The following LARGE1 variants were observed in gnomAD, a reference collection of about 807,000 sequenced individuals.
LARGE1 encodes xylosyl- and glucuronyltransferase LARGE1.
LARGE1 carries 43 observed loss-of-function variants against 87.6 expected under a neutral mutation model. That is an observed-to-expected ratio of 0.49 (90% CI 0.38 to 0.63). The LOEUF (loss-of-function observed/expected upper bound fraction) is 0.63, where lower values mean the gene tolerates loss of function less well. Among genes scored for constraint, LARGE1 ranks in the 30% least tolerant of loss-of-function variants. The pLI is 0.00. For synonymous variants in LARGE1, 434 were observed against 394.6 expected (o/e 1.10, Z -1.18); for missense variants, 802 against 1,000.2 (o/e 0.80, Z 2.67).
chr22:33,548,736 G>A (rs2077438751), intron 6 of LARGE1, among the ~76,000 whole-genome samples: 1 of 152,176 alleles, frequency 6.6e-6, no homozygotes, highest in East Asian at 1.9e-4. Context: ...TTACAGCAGT[G>A]TGAGAACAGA....
At chr22:33,595,148 TTCTC>T (rs1008567686) in intron 5 of LARGE1, among the ~76,000 whole-genome samples, 4 of 152,306 alleles carry the variant, frequency 2.6e-5, no homozygotes, top group East Asian at 1.9e-4. Context: ...ATGAAAGCAC[TTCTC>T]TCTCTTTTTT....
intron 11 of LARGE1, among the ~76,000 whole-genome samples, chr22:33,195,068 G>A (rs906075428): frequency 1.3e-5 from 2 of 152,156 alleles, no homozygotes; most frequent in African/African-American, 4.8e-5. Flanking sequence ...CTGTGTTCAA[G>A]CATTTATCAG....
intron 9 of LARGE1, among the ~76,000 whole-genome samples, chr22:33,350,005 A>G (rs770768132): frequency 1.3e-5 from 2 of 152,178 alleles, no homozygotes; most frequent in Non-Finnish European, 2.9e-5. Flanking sequence ...CTTATATCCT[A>G]TCATTGCTTA....
At chr22:33,816,891 G>A (rs1403966873) in intron 1 of LARGE1, among the ~76,000 whole-genome samples, 2 of 151,998 alleles carry the variant, frequency 1.3e-5, no homozygotes, top group African/African-American at 2.4e-5. Flanking sequence ...TGAGTCTAAC[G>A]CACTGCCAAC....
At position 33,518,529 on chromosome 22, in the gene LARGE1, G is replaced by A. The variant is rs947169717; in HGVS notation, c.787+46319C>T. 3.3e-5 allele frequency among the ~76,000 whole-genome samples: 5 copies of A among 152,148 alleles called. No individual in the cohort carries two copies. The South Asian group carries it at 6.2e-4, about 19-fold the overall frequency. On this transcript the variant is annotated intron_variant, in intron 6 of 14. Coordinates refer to ENST00000397394, the MANE Select transcript of LARGE1 (RefSeq NM_133642.5). Reference sequence around the variant, plus strand: ...TCACCATGTTGGCCAGGCTGATCTCGAACTCCTGACCTCAGGTGTTGCGCT... The same window carrying A: ...TCACCATGTTGGCCAGGCTGATCTCAAACTCCTGACCTCAGGTGTTGCGCT...
intron 2 of LARGE1, among the ~76,000 whole-genome samples, chr22:33,670,835 A>G (rs2081385927): frequency 6.6e-6 from 1 of 152,196 alleles, no homozygotes; most frequent in African/African-American, 2.4e-5. Flanking sequence ...AAATAATGGT[A>G]TTTTTCCCTT....
At chr22:33,638,595 G>A (rs1177308421) in intron 3 of LARGE1, among the ~76,000 whole-genome samples, 3 of 152,202 alleles carry the variant, frequency 2.0e-5, no homozygotes, top group Admixed American at 6.5e-5. Context: ...TCAGTGCAAT[G>A]GTTCAAAGAA....
chr22:33,114,070 GT>G, the LARGE1 span, among the ~76,000 whole-genome samples: 2 of 146,404 alleles, frequency 1.4e-5, no homozygotes, highest in African/African-American at 2.6e-5. Context: ...TAGAGATGAG[GT>G]TTCACTATGT....
At chr22:33,360,829 C>T (rs2064362031) in intron 9 of LARGE1, among the ~76,000 whole-genome samples, 1 of 149,912 alleles carries the variant, frequency 6.7e-6, no homozygotes, top group Non-Finnish European at 1.5e-5. Context: ...GTATCTTGTC[C>T]AGCCCACTGC....
chr22:33,637,567 G>A (rs1352021481), intron 3 of LARGE1, among the ~76,000 whole-genome samples: 2 of 150,610 alleles, frequency 1.3e-5, no homozygotes, highest in Non-Finnish European at 2.9e-5. Context: ...TAAGACATCC[G>A]AGGCTAGGTT....
the LARGE1 span, among the ~76,000 whole-genome samples, chr22:33,081,591 T>C: frequency 2.0e-5 from 3 of 152,334 alleles, no homozygotes; most frequent in South Asian, 6.2e-4. Context: ...CAGGGATTTT[T>C]TCAAACTTTT....
rs1163245540 is a variant in LARGE1, at chr22:33,274,199, G to C, written c.*228C>G. ...TCCCATTCTTGAAGAGACTCATCTA[G>C]GTGGGCTGCATAGCTAACCTCTGGG... is the stretch of plus-strand genomic sequence containing the variant. On this transcript the variant is annotated 3_prime_UTR_variant, in exon 15 of 15. Transcript: ENST00000397394. 4 of 612,286 alleles carry C rather than the reference G, an allele frequency of 6.5e-6. No homozygotes were observed. The Admixed American group carries it at 1.1e-4, about 17-fold the overall frequency. 37.9% of individuals were successfully genotyped at this position (612,286 alleles called of 1,614,324 possible).
chr22:33,315,348 G>A (rs923904879), intron 11 of LARGE1, among the ~76,000 whole-genome samples: 2 of 152,190 alleles, frequency 1.3e-5, no homozygotes, highest in Non-Finnish European at 2.9e-5. Flanking sequence ...TGGCTTGTAA[G>A]CTACATCAGG....
intron 1 of LARGE1, among the ~76,000 whole-genome samples, chr22:33,850,524 G>A (rs2063555349): frequency 6.6e-6 from 1 of 152,166 alleles, no homozygotes; most frequent in Admixed American, 6.5e-5. Flanking sequence ...ACCCACAAAT[G>A]CTGAATCCAG....
intron 11 of LARGE1, chr22:33,305,687 G>A (rs1484483471): frequency 7.0e-6 from 5 of 709,436 alleles, no homozygotes; most frequent in South Asian, 6.3e-5. Context: ...GACTTCCAGA[G>A]TTTTCTCTCA....
chr22:33,334,382 G>C (rs1938145886), intron 10 of LARGE1, among the ~76,000 whole-genome samples: 1 of 135,510 alleles, frequency 7.4e-6, no homozygotes, highest in Admixed American at 7.9e-5. Flanking sequence ...CTGCACTCTA[G>C]CCTGGCGACA....
At chr22:33,536,997 G>A (rs971863005) in intron 6 of LARGE1, among the ~76,000 whole-genome samples, 1 of 152,192 alleles carries the variant, frequency 6.6e-6, no homozygotes, top group Non-Finnish European at 1.5e-5. Flanking sequence ...TTTTAGTAGA[G>A]ATGGGGTTTC....
At chr22:33,191,022 C>G (rs1034979178) in intron 11 of LARGE1, among the ~76,000 whole-genome samples, 2 of 152,176 alleles carry the variant, frequency 1.3e-5, no homozygotes, top group Admixed American at 1.3e-4. Flanking sequence ...TTTTAAACAC[C>G]TGTTTCCTTG....
At chr22:33,644,160 C>T (rs539130903) in intron 3 of LARGE1, among the ~76,000 whole-genome samples, 8 of 152,316 alleles carry the variant, frequency 5.3e-5, no homozygotes, top group South Asian at 2.1e-4. Context: ...TGAAAATCCT[C>T]GGTAAAATAC....
Sources: gnomAD v4.1 joint callset for allele counts (sites outside exome capture counted in the v4.1 genomes callset) on GRCh38, gnomAD v4.1.1 for gene constraint, MANE v1.5 for transcripts, NCBI Gene and HGNC (gene_info 2026-07-23, HGNC 2026-07-21) for gene names.